Variants in NEK11 observed in about 807,000 individuals in gnomAD.
NEK11 encodes serine/threonine-protein kinase Nek11.
Under a neutral mutation model 80.7 loss-of-function variants are expected in NEK11, and 72 were observed. The observed-to-expected ratio is 0.89, with a 90% confidence interval of 0.74 to 1.08. NEK11 has a LOEUF of 1.08. Ranked by LOEUF, NEK11 falls within the 50% of genes least tolerant of loss-of-function variation. The pLI is 0.00. For missense variants in NEK11, 764 were observed against 763.6 expected (o/e 1.00, Z -0.01); for synonymous variants, 251 against 260.7 (o/e 0.96, Z 0.36).
chr3:131,204,668 G>GT (rs1048937673), intron 14 of NEK11, among the ~76,000 whole-genome samples: 1,654 of 145,460 alleles, frequency 0.011, 18 homozygotes, highest in African/African-American at 0.02. Flanking sequence ...ATGGTTTGAG[G>GT]TTTTTTTTTT....
At chr3:131,130,650 T>C (rs942732412) in intron 5 of NEK11, among the ~76,000 whole-genome samples, 1 of 152,222 alleles carries the variant, frequency 6.6e-6, no homozygotes, top group African/African-American at 2.4e-5. Flanking sequence ...TTGCTTTTTC[T>C]GCATCTATTG....
At chr3:131,078,317 C>T (rs2149001706) in intron 3 of NEK11, among the ~76,000 whole-genome samples, 1 of 152,210 alleles carries the variant, frequency 6.6e-6, no homozygotes, top group South Asian at 2.1e-4. Flanking sequence ...CTTAACCCAG[C>T]TTTTATTGCT....
At chr3:131,337,528 A>G (rs2097206362) in intron 17 of NEK11, among the ~76,000 whole-genome samples, 1 of 151,992 alleles carries the variant, frequency 6.6e-6, no homozygotes, top group Non-Finnish European at 1.5e-5. Flanking sequence ...TGACGAGTTA[A>G]TGGGTGCAGC....
At chr3:131,322,050 C>T (rs767915929) in intron 17 of NEK11, among the ~76,000 whole-genome samples, 1 of 152,134 alleles carries the variant, frequency 6.6e-6, no homozygotes, top group Non-Finnish European at 1.5e-5. Flanking sequence ...GTATGTTCAT[C>T]GCAGCACTAT....
chr3:131,345,683 A>G (rs1214834872), intron 17 of NEK11, among the ~76,000 whole-genome samples: 2 of 152,224 alleles, frequency 1.3e-5, no homozygotes, highest in Non-Finnish European at 2.9e-5. Context: ...TCTTCTGGGT[A>G]TATACCCAAA....
chr3:131,139,324 TAC>T (rs1013392947), intron 7 of NEK11, among the ~76,000 whole-genome samples: 1 of 98,832 alleles, frequency 1.0e-5, no homozygotes, highest in Non-Finnish European at 2.1e-5. Flanking sequence ...TATTGGAAAA[TAC>T]ACAGTCAGAG....
chr3:131,188,326 C>CCTCT (rs1482013765), intron 14 of NEK11, among the ~76,000 whole-genome samples: 1 of 152,068 alleles, frequency 6.6e-6, no homozygotes, highest in Non-Finnish European at 1.5e-5. Context: ...TAGATTGGTG[C>CCTCT]AAAAGCAATT....
intron 10 of NEK11, among the ~76,000 whole-genome samples, chr3:131,161,100 G>A (rs747259354): frequency 2.9e-4 from 40 of 138,662 alleles, no homozygotes; most frequent in Middle Eastern, 5.3e-3. Flanking sequence ...GGAGTGAGCC[G>A]AAATCGTGCC....
chr3:131,141,033 T>G (rs12638927), intron 7 of NEK11, among the ~76,000 whole-genome samples: 2,048 of 152,204 alleles, frequency 0.013, 28 homozygotes, highest in East Asian at 0.079. Context: ...ATTAGTAACT[T>G]GAAAACAACC....
chr3:131,124,480 C>T (rs988497769), intron 5 of NEK11, among the ~76,000 whole-genome samples: 13 of 152,048 alleles, frequency 8.5e-5, no homozygotes, highest in African/African-American at 3.1e-4. Context: ...ATCATATCCC[C>T]CTGCCACATT....
chr3:131,116,311 T>A (rs1049129414), intron 5 of NEK11, among the ~76,000 whole-genome samples: 6 of 152,194 alleles, frequency 3.9e-5, no homozygotes, highest in African/African-American at 1.4e-4. Context: ...GAACACATCC[T>A]TCTTTATGGC....
intron 5 of NEK11, among the ~76,000 whole-genome samples, chr3:131,110,399 G>C (rs1398234855): frequency 6.6e-6 from 1 of 152,110 alleles, no homozygotes; most frequent in Non-Finnish European, 1.5e-5. Flanking sequence ...TTTCACCTCA[G>C]AGGGATAAGT....
In NEK11 at chr3:131,319,588, G is replaced by T. The variant is rs115663582; in HGVS notation, c.1719-29969G>T. On this transcript the variant is annotated intron_variant, in intron 17 of 17. Transcript: ENST00000383366. ...ACTAGAGTGGTGGTAACTTGGTGGT[G>T]GGTCTGTAGGGGAAATATCTTCTCT... Among the ~76,000 whole-genome samples the T allele has an allele frequency of 1.0e-2, 1,520 of 152,212 alleles. 33 individuals carry two copies. Among genetic ancestry groups the T allele is most frequent in the African/African-American group, 0.034 (1,421 of 41,548 alleles).
rs76546828 is a variant in NEK11 at position 131,105,185 on chromosome 3, A to G, written c.337-4618A>G. On this transcript the variant is annotated intron_variant, in intron 4 of 17. Coordinates refer to ENST00000383366, the MANE Select transcript of NEK11 (RefSeq NM_024800.5). ...TTTCTTAATTATCTTGACAAAATGCAGAATATTTCCTTAGCCAATTACCTA... is the reference window on the plus strand; with the variant it reads ...TTTCTTAATTATCTTGACAAAATGCGGAATATTTCCTTAGCCAATTACCTA... Among the ~76,000 whole-genome samples the G allele has an allele frequency of 9.0e-4, 137 of 152,352 alleles. 2 individuals are homozygous for G. The East Asian group carries it at 0.025, about 28-fold the overall frequency.
At position 131,305,439 on chromosome 3, in the gene NEK11, C is replaced by A. The variant is rs543314523; in HGVS notation, c.1718+31865C>A. 2.0e-5 allele frequency among the ~76,000 whole-genome samples: 3 copies of A among 152,228 alleles called. No homozygotes were observed. In the South Asian group the frequency reaches 6.2e-4, roughly 32 times the overall value. On this transcript the variant is annotated intron_variant, in intron 17 of 17. Coordinates refer to ENST00000383366, the MANE Select transcript of NEK11 (RefSeq NM_024800.5). ...TGGGGCCCCAGGAGAAGCCAGCAGACACAGGAGTGCTCAGATTGGACTGGC... is the reference window on the plus strand; with the variant it reads ...TGGGGCCCCAGGAGAAGCCAGCAGAAACAGGAGTGCTCAGATTGGACTGGC...
intron 3 of NEK11, among the ~76,000 whole-genome samples, chr3:131,077,688 A>G (rs781190388): frequency 2.6e-5 from 4 of 152,166 alleles, no homozygotes; most frequent in East Asian, 3.9e-4. Flanking sequence ...TTATAACTGC[A>G]TGCTAGCTGG....
At chr3:131,243,402 A>G (rs1203537082) in intron 15 of NEK11, 34 bp from the exon 16 acceptor site, 2 of 1,597,634 alleles carry the variant, frequency 1.3e-6, no homozygotes, top group African/African-American at 1.3e-5. Context: ...TCTACCATAC[A>G]GGGAAAATAA....
chr3:131,316,490 T>A (rs2096841443), intron 17 of NEK11, among the ~76,000 whole-genome samples: 1 of 152,224 alleles, frequency 6.6e-6, no homozygotes, highest in South Asian at 2.1e-4. Context: ...GTGACAAAGT[T>A]CTTAAGACCT....
At chr3:131,227,195 AG>A (rs1351811330) in intron 14 of NEK11, among the ~76,000 whole-genome samples, 5 of 152,122 alleles carry the variant, frequency 3.3e-5, no homozygotes, top group African/African-American at 9.6e-5. Flanking sequence ...TCTACTGTAC[AG>A]CAGCCTTTTA....
Sources: allele counts gnomAD v4.1 joint callset (sites outside exome capture counted in the v4.1 genomes callset), GRCh38; gene constraint gnomAD v4.1.1; transcripts MANE v1.5; gene names NCBI Gene and HGNC (gene_info 2026-07-23, HGNC 2026-07-21).